BCKDHB: variants seen among roughly 807,000 people sequenced by gnomAD.
BCKDHB encodes the protein branched chain keto acid dehydrogenase E1 subunit beta, also known as 2-oxoisovalerate dehydrogenase subunit beta, mitochondrial.
Under a neutral mutation model 48.5 loss-of-function variants are expected in BCKDHB, and 41 were observed. The observed-to-expected ratio is 0.85, with a 90% CI of 0.66 to 1.10. The LOEUF (loss-of-function observed/expected upper bound fraction) is 1.10. BCKDHB is among the 50% of genes least tolerant of loss of function. The probability of loss-of-function intolerance (pLI) is 0.00; values close to 1 mark genes in which losing one functional copy is unlikely to be tolerated. For missense variants in BCKDHB, 496 were observed against 494.2 expected, an observed-to-expected ratio of 1.00 and a Z score of -0.03; for synonymous variants, 201 against 174.8, an observed-to-expected ratio of 1.15 and a Z score of -1.18.
chr6:80,212,111 T>G (rs1774962446), intron 8 of BCKDHB, among the ~76,000 whole-genome samples: 1 of 152,160 alleles, frequency 6.6e-6, no homozygotes, highest in African/African-American at 2.4e-5. Flanking sequence ...AGGGTCTATG[T>G]TCAGCAGTGC....
intron 3 of BCKDHB, among the ~76,000 whole-genome samples, chr6:80,133,779 A>G (rs1770746857): frequency 6.6e-6 from 1 of 152,052 alleles, no homozygotes; most frequent in Non-Finnish European, 1.5e-5. Flanking sequence ...AGTAGCTGGG[A>G]CTACAGGTGC....
chr6:80,269,787 A>G (rs1777658745), intron 8 of BCKDHB, among the ~76,000 whole-genome samples: 1 of 152,144 alleles, frequency 6.6e-6, no homozygotes, highest in Non-Finnish European at 1.5e-5. Context: ...TTAAATGATT[A>G]TTAGCATTGT....
the BCKDHB span, among the ~76,000 whole-genome samples, chr6:80,439,884 A>G: frequency 6.6e-6 from 1 of 152,172 alleles, no homozygotes; most frequent in African/African-American, 2.4e-5. Flanking sequence ...ACATTTAACT[A>G]AAGGCATACA....
chr6:80,215,882 C>G (rs1202235067), intron 8 of BCKDHB, among the ~76,000 whole-genome samples: 2 of 152,176 alleles, frequency 1.3e-5, no homozygotes, highest in East Asian at 3.9e-4. Flanking sequence ...GCTGGAACTA[C>G]AGGCGTGCAC....
intron 7 of BCKDHB, 56 bp from the exon 8 acceptor site, chr6:80,203,045 GT>G (rs747275362): frequency 4.9e-6 from 6 of 1,223,110 alleles, no homozygotes; most frequent in Non-Finnish European, 7.3e-6. Flanking sequence ...CATTCAACTA[GT>G]TTTTGAGGCT....
the BCKDHB span, among the ~76,000 whole-genome samples, chr6:80,393,257 A>G: frequency 6.6e-6 from 1 of 152,156 alleles, no homozygotes; most frequent in Non-Finnish European, 1.5e-5. Flanking sequence ...TCCTCAATAT[A>G]TTAGTTTCAC....
At chr6:80,284,642 A>G (rs1043653306) in intron 9 of BCKDHB, among the ~76,000 whole-genome samples, 2 of 152,126 alleles carry the variant, frequency 1.3e-5, no homozygotes, top group Admixed American at 1.3e-4. Context: ...TTATTAGCTG[A>G]AAAGGATATA....
At chr6:80,274,466 C>T (rs1426341671) in intron 9 of BCKDHB, among the ~76,000 whole-genome samples, 1 of 151,750 alleles carries the variant, frequency 6.6e-6, no homozygotes, top group Non-Finnish European at 1.5e-5. Flanking sequence ...TAGCATAATA[C>T]AAAGATTAGG....
At chr6:80,389,393 G>A in the BCKDHB span, among the ~76,000 whole-genome samples, 1 of 152,168 alleles carries the variant, frequency 6.6e-6, no homozygotes, top group African/African-American at 2.4e-5. Context: ...CATTCCTCAG[G>A]GTGATCAGTC....
chr6:80,377,040 ATTTT>A, the BCKDHB span, among the ~76,000 whole-genome samples: 160 of 133,268 alleles, frequency 1.2e-3, no homozygotes, highest in Non-Finnish European at 1.7e-3. Flanking sequence ...AAGGCTTTTA[ATTTT>A]TTTTTTTTTT....
intron 8 of BCKDHB, among the ~76,000 whole-genome samples, chr6:80,257,709 C>T (rs1242986012): frequency 2.6e-5 from 4 of 152,052 alleles, no homozygotes; most frequent in South Asian, 4.1e-4. Context: ...AAGACAATAG[C>T]GTTACTCTGA....
intron 6 of BCKDHB, among the ~76,000 whole-genome samples, chr6:80,181,647 CG>C (rs1356515051): frequency 1.3e-5 from 2 of 152,152 alleles, no homozygotes; most frequent in African/African-American, 4.8e-5. Context: ...TATCACCCTG[CG>C]GGCTGGCTCA....
intron 1 of BCKDHB, among the ~76,000 whole-genome samples, chr6:80,115,194 G>A (rs1769623238): frequency 6.6e-6 from 1 of 152,070 alleles, no homozygotes; most frequent in Admixed American, 6.5e-5. Context: ...AAGTGCAGTG[G>A]CTATTCACAG....
At chr6:80,153,101 C>T (rs1771868801) in intron 3 of BCKDHB, among the ~76,000 whole-genome samples, 1 of 152,152 alleles carries the variant, frequency 6.6e-6, no homozygotes, top group East Asian at 1.9e-4. Context: ...CAGGAGTTGC[C>T]TTTGATCTTC....
chr6:80,213,381 T>A (rs763588836), intron 8 of BCKDHB, among the ~76,000 whole-genome samples: 1 of 152,190 alleles, frequency 6.6e-6, no homozygotes, highest in African/African-American at 2.4e-5. Context: ...AAAGTGAAAT[T>A]GACTGTACAG....
chr6:80,444,281 T>C, the BCKDHB span, among the ~76,000 whole-genome samples: 1 of 151,808 alleles, frequency 6.6e-6, no homozygotes, highest in Non-Finnish European at 1.5e-5. Context: ...TAATATAAAA[T>C]TAATATTTAA....
At chr6:80,395,774 C>T in the BCKDHB span, among the ~76,000 whole-genome samples, 18 of 152,174 alleles carry the variant, frequency 1.2e-4, no homozygotes, top group African/African-American at 3.9e-4. Context: ...GCCTAGAGGC[C>T]GAGGAGGGAA....
At chr6:80,294,979 C>T (rs1562210136) in intron 9 of BCKDHB, among the ~76,000 whole-genome samples, 1 of 152,106 alleles carries the variant, frequency 6.6e-6, no homozygotes, top group Non-Finnish European at 1.5e-5. Context: ...TACCTACTCC[C>T]AGTTTTACAC....
intron 8 of BCKDHB, among the ~76,000 whole-genome samples, chr6:80,226,426 T>C (rs1264313740): frequency 6.6e-6 from 1 of 152,236 alleles, no homozygotes; most frequent in Non-Finnish European, 1.5e-5. Flanking sequence ...GCATGCATTG[T>C]CTTGTTGGAC....
Sources: gnomAD v4.1 joint callset for allele counts (sites outside exome capture counted in the v4.1 genomes callset) on GRCh38, gnomAD v4.1.1 for gene constraint, MANE v1.5 for transcripts, NCBI Gene and HGNC (gene_info 2026-07-23, HGNC 2026-07-21) for gene names.